TMEM178B: variants seen among roughly 807,000 people sequenced by gnomAD.
The protein encoded by TMEM178B is transmembrane protein 178B.
A neutral mutation model predicts 31.0 loss-of-function variants in TMEM178B; 5 were observed. The observed-to-expected ratio is 0.16, with a 90% confidence interval of 0.08 to 0.34. The LOEUF (loss-of-function observed/expected upper bound fraction) is 0.34, where lower values mean the gene tolerates loss of function less well. Among genes scored for constraint, TMEM178B ranks in the 10% least tolerant of loss-of-function variants. The probability of loss-of-function intolerance (pLI) is 1.00; values close to 1 mark genes in which losing one functional copy is unlikely to be tolerated. For missense variants in TMEM178B, 275 were observed against 400.3 expected (o/e 0.69, Z 2.67); for synonymous variants, 164 against 164.0 (o/e 1.00, Z 0.00).
intron 2 of TMEM178B, among the ~76,000 whole-genome samples, chr7:141,227,073 A>G (rs886651753): frequency 7.2e-5 from 11 of 152,102 alleles, no homozygotes; most frequent in Non-Finnish European, 1.6e-4. Context: ...CGCTGTGTGG[A>G]CAGCACTGGA....
At chr7:141,331,820 T>C (rs1237442742) in intron 2 of TMEM178B, among the ~76,000 whole-genome samples, 1 of 152,210 alleles carries the variant, frequency 6.6e-6, no homozygotes, top group African/African-American at 2.4e-5. Flanking sequence ...GGGCCAGTGA[T>C]TGCATGGCTC....
chr7:141,157,514 G>GAACAAC (rs756842782), intron 1 of TMEM178B, among the ~76,000 whole-genome samples: 238 of 151,776 alleles, frequency 1.6e-3, no homozygotes, highest in Non-Finnish European at 2.7e-3. Flanking sequence ...GACAATAACA[G>GAACAAC]AACAACAACA....
chr7:141,306,884 G>A (rs1586882961), intron 2 of TMEM178B, among the ~76,000 whole-genome samples: 1 of 152,064 alleles, frequency 6.6e-6, no homozygotes. Context: ...CCATACAAAT[G>A]CCACTTCCAC....
chr7:141,242,576 C>T (rs1171785223), intron 2 of TMEM178B, among the ~76,000 whole-genome samples: 3 of 130,004 alleles, frequency 2.3e-5, no homozygotes, highest in African/African-American at 8.8e-5. Flanking sequence ...GAATCTCACT[C>T]TGTTGCCCAG....
chr7:141,290,127 T>C (rs1022847220), intron 2 of TMEM178B, among the ~76,000 whole-genome samples: 2 of 152,230 alleles, frequency 1.3e-5, no homozygotes, highest in Non-Finnish European at 2.9e-5. Context: ...CTTCTTTTGG[T>C]TCTTAGGAGC....
intron 3 of TMEM178B, among the ~76,000 whole-genome samples, chr7:141,456,972 A>G (rs1032397413): frequency 2.0e-5 from 3 of 152,214 alleles, no homozygotes; most frequent in African/African-American, 7.2e-5. Context: ...AGCTGCAAAG[A>G]TTCACTTGGA....
At chr7:141,191,083 C>A (rs149712063) in intron 1 of TMEM178B, among the ~76,000 whole-genome samples, 50 of 152,264 alleles carry the variant, frequency 3.3e-4, no homozygotes, top group Non-Finnish European at 5.9e-5. Flanking sequence ...TCGCTTAAAG[C>A]CAGTTTCCAG....
At chr7:141,457,490 G>C (rs1801986580) in intron 3 of TMEM178B, among the ~76,000 whole-genome samples, 1 of 152,006 alleles carries the variant, frequency 6.6e-6, no homozygotes. Context: ...ACTTAATTCA[G>C]TCTATGCCTG....
chr7:141,188,967 A>G (rs1048238035), intron 1 of TMEM178B, among the ~76,000 whole-genome samples: 2 of 152,258 alleles, frequency 1.3e-5, no homozygotes, highest in East Asian at 1.9e-4. Flanking sequence ...ACATGGCCTG[A>G]TGCTGAATTA....
At chr7:141,302,271 TATG>T (rs1437944233) in intron 2 of TMEM178B, among the ~76,000 whole-genome samples, 1 of 152,176 alleles carries the variant, frequency 6.6e-6, no homozygotes, top group Non-Finnish European at 1.5e-5. Context: ...GGAAGGAAAT[TATG>T]ATGCATGCTC....
At chr7:141,446,939 C>T (rs1801770084) in intron 3 of TMEM178B, among the ~76,000 whole-genome samples, 1 of 152,096 alleles carries the variant, frequency 6.6e-6, no homozygotes, top group Admixed American at 6.6e-5. Context: ...CCATCACTAC[C>T]AATGCCACAC....
At chr7:141,190,039 A>G (rs1479997374) in intron 1 of TMEM178B, among the ~76,000 whole-genome samples, 1 of 152,234 alleles carries the variant, frequency 6.6e-6, no homozygotes, top group Non-Finnish European at 1.5e-5. Context: ...CATTTAAAAA[A>G]TAGGCAATAC....
intron 2 of TMEM178B, among the ~76,000 whole-genome samples, chr7:141,342,299 A>G (rs1394910974): frequency 6.6e-6 from 1 of 152,228 alleles, no homozygotes; most frequent in Non-Finnish European, 1.5e-5. Flanking sequence ...TGGATCCTTC[A>G]GTATCATTGG....
At chr7:141,182,264 A>G (rs887152696) in intron 1 of TMEM178B, among the ~76,000 whole-genome samples, 8 of 152,054 alleles carry the variant, frequency 5.3e-5, no homozygotes, top group African/African-American at 1.9e-4. Context: ...AACTAAGGAC[A>G]TGTTGTGTGC....
intron 1 of TMEM178B, among the ~76,000 whole-genome samples, chr7:141,130,270 G>C (rs1435876581): frequency 6.6e-6 from 1 of 152,160 alleles, no homozygotes; most frequent in African/African-American, 2.4e-5. Context: ...CATTATGCAA[G>C]TCAGATTGGA....
Position 141,319,561 on chromosome 7 carries a change from C to CT in TMEM178B, c.496+106866dup, listed in dbSNP as rs61523487. Reference sequence around the variant, plus strand: ...TTTGTATTCTTTACTTTCTTTCTTTCTTTTTTTTTGAGACGGAGTCTCACT... The same window carrying CT: ...TTTGTATTCTTTACTTTCTTTCTTTCTTTTTTTTTTGAGACGGAGTCTCACT... On this transcript the variant is annotated intron_variant, in intron 2 of 3. Transcript: ENST00000565468. Among the ~76,000 whole-genome samples, 128 of 151,604 alleles carry CT rather than the reference C, an allele frequency of 8.4e-4. 1 individual carries two copies. Among genetic ancestry groups the CT allele is most frequent in the African/African-American group, 2.8e-3 (117 of 41,360 alleles).
rs527280186 is a variant in TMEM178B at position 141,088,841 on chromosome 7, A to G, written c.382+14149A>G. ...AAAAAAATAAACCTTAAAAAAGAAA[A>G]TAAATTGAAGTTTATTATATGCATT... On this transcript the variant is annotated intron_variant, in intron 1 of 3. Transcript: ENST00000565468. 2.4e-4 allele frequency among the ~76,000 whole-genome samples: 36 copies of G among 152,358 alleles called. 1 individual carries two copies. The Middle Eastern group carries it at 0.01, about 43-fold the overall frequency.
At chr7:141,415,318 G>A (rs1298452232) in intron 2 of TMEM178B, 2 of 152,738 alleles carry the variant, frequency 1.3e-5, no homozygotes, top group Non-Finnish European at 2.9e-5. Context: ...ACTCTGGGGA[G>A]TGGATCTGCA....
At chr7:141,118,069 G>T (rs543794074) in intron 1 of TMEM178B, among the ~76,000 whole-genome samples, 1 of 152,280 alleles carries the variant, frequency 6.6e-6, no homozygotes, top group South Asian at 2.1e-4. Context: ...AAATTATTGT[G>T]TTGTAAAACA....
Sources: gnomAD v4.1 joint callset for allele counts (sites outside exome capture counted in the v4.1 genomes callset) on GRCh38, gnomAD v4.1.1 for gene constraint, MANE v1.5 for transcripts, NCBI Gene and HGNC (gene_info 2026-07-23, HGNC 2026-07-21) for gene names.